Variants in TPM1 observed in about 807,000 individuals in gnomAD.
TPM1 encodes tropomyosin alpha-1 chain.
Under a neutral mutation model 42.9 loss-of-function variants are expected in TPM1, and 24 were observed. That is an observed-to-expected ratio of 0.56 (90% confidence interval 0.41 to 0.79). The LOEUF is 0.79. TPM1 is among the 30% of genes least tolerant of loss of function. TPM1 has a pLI of 0.00. For synonymous variants in TPM1, 136 were observed against 130.1 expected, an observed-to-expected ratio of 1.05 and a Z score of -0.31; for missense variants, 158 against 351.8, an observed-to-expected ratio of 0.45 and a Z score of 4.41.
intron 2 of TPM1, among the ~76,000 whole-genome samples, chr15:63,055,465 A>G (rs977681618): frequency 6.6e-6 from 1 of 152,186 alleles, no homozygotes; most frequent in African/African-American, 2.4e-5. Context: ...TTCTAACTAC[A>G]TTTGCATTTC....
intron 8 of TPM1, 42 bp from the exon 9 acceptor site, chr15:63,064,022 C>A: frequency 6.2e-7 from 1 of 1,611,560 alleles, no homozygotes; most frequent in Non-Finnish European, 8.5e-7. Flanking sequence ...CTTGATCACT[C>A]TCCATGTTCT....
chr15:63,042,804 C>T lies in TPM1; in HGVS notation c.-26C>T, dbSNP rs2031415126. The T allele has an allele frequency of 1.2e-6, 2 of 1,600,194 alleles. No homozygotes were observed. The highest frequency in any genetic ancestry group is 8.6e-7 in the Non-Finnish European group (1 of 1,169,050). On this transcript the variant is annotated 5_prime_UTR_variant, in exon 1 of 10. Coordinates refer to ENST00000403994, the MANE Select transcript of TPM1 (RefSeq NM_001018005.2). ...GCTCGCCCCGCCGCTCCTGCTGCAG[C>T]CCCAGGGCCCCTCGCCGCCGCCACC...
At chr15:63,061,359 C>A in intron 5 of TPM1, 1 of 1,220,836 alleles carries the variant, frequency 8.2e-7, no homozygotes, top group Non-Finnish European at 1.2e-6. Flanking sequence ...TTTGGTATAA[C>A]GACTGCACCT....
chr15:63,061,286 C>G (rs759081217), intron 5 of TPM1: 3 of 1,613,940 alleles, frequency 1.9e-6, no homozygotes, highest in Non-Finnish European at 8.5e-7. Context: ...ACTGATGGCT[C>G]GTGTGGTTTT....
At chr15:63,048,339 G>A in intron 2 of TPM1, 4 of 1,127,974 alleles carry the variant, frequency 3.5e-6, no homozygotes, top group Non-Finnish European at 4.7e-6. Context: ...GCCAGTCCCG[G>A]GATCCACGGC....
intron 5 of TPM1, 87 bp downstream of exon 5, chr15:63,061,026 C>T: frequency 6.5e-7 from 1 of 1,539,282 alleles, no homozygotes; most frequent in Non-Finnish European, 8.9e-7. Context: ...CTGCACATTA[C>T]CTGTTTCAGC....
intron 2 of TPM1, chr15:63,055,938 A>G (rs1188584143): frequency 6.6e-6 from 1 of 152,248 alleles, no homozygotes; most frequent in African/African-American, 2.4e-5. Context: ...TTTCAGTGAC[A>G]GATACCAAGT....
chr15:63,069,940 T>G (rs2036513146), downstream of TPM1: 1 of 1,614,016 alleles, frequency 6.2e-7, no homozygotes, highest in Non-Finnish European at 8.5e-7. Flanking sequence ...TGAATGAGGA[T>G]TAAACTTAAG....
chr15:63,045,745 G>A (rs2032256514), intron 2 of TPM1: 1 of 152,214 alleles, frequency 6.6e-6, no homozygotes, highest in African/African-American at 2.4e-5. Flanking sequence ...TCTTGTTGAA[G>A]GGAGCGCTGG....
At chr15:63,069,267 G>A (rs560372699), downstream of TPM1, among the ~76,000 whole-genome samples, 4 of 152,312 alleles carry the variant, frequency 2.6e-5, no homozygotes, top group South Asian at 8.3e-4. Context: ...GAGTCAGAAT[G>A]TGTACCCTGT....
downstream of TPM1, among the ~76,000 whole-genome samples, chr15:63,069,524 A>T (rs371042796): frequency 6.6e-6 from 1 of 152,156 alleles, no homozygotes; most frequent in Admixed American, 6.5e-5. Flanking sequence ...TGCATTCCCA[A>T]ATCTATTGCC....
intron 9 of TPM1, chr15:63,065,637 G>C (rs1292644476): frequency 2.0e-6 from 2 of 984,998 alleles, no homozygotes; most frequent in African/African-American, 3.5e-5. Flanking sequence ...TGAAAGACGA[G>C]TGTAGCTTAA....
chr15:63,054,991 AT>A (rs2034548268), intron 2 of TPM1, among the ~76,000 whole-genome samples: 1 of 151,550 alleles, frequency 6.6e-6, no homozygotes, highest in Admixed American at 6.6e-5. Context: ...ACCCAAAAGT[AT>A]ATCCTTAATA....
intron 8 of TPM1, 96 bp from the exon 9 acceptor site, chr15:63,063,968 T>C: frequency 6.5e-7 from 1 of 1,536,556 alleles, no homozygotes; most frequent in Non-Finnish European, 8.8e-7. Flanking sequence ...TTCTTGCTGC[T>C]GTGTTGGGAT....
intron 2 of TPM1, among the ~76,000 whole-genome samples, chr15:63,053,022 C>G (rs1461501340): frequency 1.3e-5 from 2 of 152,190 alleles, no homozygotes; most frequent in Non-Finnish European, 2.9e-5. Context: ...ACCTCAGATA[C>G]TACTCCTAGG....
At chr15:63,065,512 C>T in intron 9 of TPM1, 1 of 985,342 alleles carries the variant, frequency 1.0e-6, no homozygotes, top group Non-Finnish European at 1.2e-6. Context: ...TCTTCTCATC[C>T]CTCATTTGTA....
At chr15:63,070,394 TA>T, downstream of TPM1, 1 of 996,956 alleles carries the variant, frequency 1.0e-6, no homozygotes, top group Non-Finnish European at 1.2e-6. Flanking sequence ...GAAATATGAT[TA>T]AATGTACCTA....
In TPM1 at chr15:63,064,399, ATGAG is replaced by A. The variant is rs2036038444; in HGVS notation, c.851+261_851+264del. ...CGCTGAACTAGAGCAGTGAACTAGAATGAGTGACCTTGAGCACTGTCCTTTTGGG... is the reference window on the plus strand; with the variant it reads ...CGCTGAACTAGAGCAGTGAACTAGAATGACCTTGAGCACTGTCCTTTTGGG... On this transcript the variant is annotated intron_variant, in intron 9 of 9. Transcript: ENST00000403994. 9.6e-6 allele frequency: 13 copies of A among 1,353,888 alleles called. No individual in the cohort carries two copies. The South Asian group carries it at 2.1e-4, about 21-fold the overall frequency. 83.9% of individuals were successfully genotyped at this position (1,353,888 alleles called of 1,614,324 possible).
intron 2 of TPM1, among the ~76,000 whole-genome samples, chr15:63,052,854 A>C (rs1241253801): frequency 6.6e-6 from 1 of 152,214 alleles, no homozygotes; most frequent in Non-Finnish European, 1.5e-5. Flanking sequence ...ATCAGAATAA[A>C]AAGTAAAAAT....
Sources: allele counts gnomAD v4.1 joint callset (sites outside exome capture counted in the v4.1 genomes callset), GRCh38; gene constraint gnomAD v4.1.1; transcripts MANE v1.5; gene names NCBI Gene and HGNC (gene_info 2026-07-23, HGNC 2026-07-21).